The following RARB variants were observed in gnomAD, a reference collection of about 807,000 sequenced individuals.
The protein encoded by RARB is retinoic acid receptor beta, also known as HBV-activated protein.
RARB carries 17 observed loss-of-function variants against 51.9 expected under a neutral mutation model. The observed-to-expected ratio is 0.33, with a 90% CI of 0.22 to 0.49. The LOEUF (loss-of-function observed/expected upper bound fraction) is 0.49. RARB is among the 20% of genes least tolerant of loss of function. The probability of loss-of-function intolerance (pLI) is 0.99; values close to 1 mark genes in which losing one functional copy is unlikely to be tolerated. For missense variants in RARB, 369 were observed against 550.8 expected, an observed-to-expected ratio of 0.67 and a Z score of 3.30; for synonymous variants, 215 against 195.4, an observed-to-expected ratio of 1.10 and a Z score of -0.84.
intron 5 of RARB, among the ~76,000 whole-genome samples, chr3:25,266,755 A>C (rs1243962832): frequency 1.3e-5 from 2 of 152,214 alleles, no homozygotes; most frequent in African/African-American, 4.8e-5. Context: ...TCCTTTTAAA[A>C]GAGACAGAGA....
intron 1 of RARB, among the ~76,000 whole-genome samples, chr3:24,832,368 A>G (rs572578291): frequency 6.6e-6 from 1 of 152,218 alleles, no homozygotes; most frequent in South Asian, 2.1e-4. Context: ...ATGTGAGAAT[A>G]AGGACTTTGT....
intron 2 of RARB, among the ~76,000 whole-genome samples, chr3:24,860,813 T>A (rs1445054487): frequency 1.3e-5 from 2 of 152,190 alleles, no homozygotes; most frequent in Non-Finnish European, 2.9e-5. Context: ...TGAAGTAACT[T>A]ATCTGAGTCA....
chr3:25,046,005 G>T (rs1166886081), intron 2 of RARB, among the ~76,000 whole-genome samples: 2 of 152,178 alleles, frequency 1.3e-5, no homozygotes, highest in Admixed American at 6.5e-5. Flanking sequence ...CTTTTTATTA[G>T]AAATCTGTCA....
At chr3:24,888,656 A>G (rs1703312560) in intron 2 of RARB, among the ~76,000 whole-genome samples, 1 of 152,196 alleles carries the variant, frequency 6.6e-6, no homozygotes, top group Non-Finnish European at 1.5e-5. Flanking sequence ...TGATGTCCCT[A>G]GCATAATGTT....
Position 25,138,473 on chromosome 3 carries a change from T to C in RARB, c.-280+6265T>C, listed in dbSNP as rs1441236198. Among the ~76,000 whole-genome samples, 3 of 151,944 alleles carry C rather than the reference T, an allele frequency of 2.0e-5. No homozygotes were observed. The South Asian group carries it at 6.2e-4, about 32-fold the overall frequency. On this transcript the variant is annotated intron_variant, in intron 4 of 11. Transcript: ENST00000383772. ...TATAGAGTAATGCAAAATAGACCAA[T>C]ATTCAACTTGCATTTGCCTTTTACT...
At chr3:24,947,197 G>A (rs1695794237) in intron 2 of RARB, among the ~76,000 whole-genome samples, 1 of 152,152 alleles carries the variant, frequency 6.6e-6, no homozygotes, top group South Asian at 2.1e-4. Flanking sequence ...ACAGCTTTCT[G>A]TACTAGAATA....
chr3:25,347,758 C>T (rs10510566), intron 5 of RARB, among the ~76,000 whole-genome samples: 28,591 of 152,040 alleles, frequency 0.19, 3,401 homozygotes, highest in Admixed American at 0.31. Flanking sequence ...ATGTGACAGG[C>T]GGAAGAGTGA....
chr3:25,405,880 G>T (rs1412800943), intron 5 of RARB, among the ~76,000 whole-genome samples: 2 of 152,194 alleles, frequency 1.3e-5, no homozygotes, highest in African/African-American at 4.8e-5. Context: ...CCAGCTCTTG[G>T]TGGAGGGGCA....
At chr3:25,148,744 C>T (rs1700234896) in intron 4 of RARB, among the ~76,000 whole-genome samples, 1 of 152,134 alleles carries the variant, frequency 6.6e-6, no homozygotes, top group African/African-American at 2.4e-5. Flanking sequence ...AAGGATTGAA[C>T]ATAATTATAT....
At chr3:24,912,975 C>CTTTTTTTTTTTTTTTTTTTTTATTTTTTT (rs1695023997) in intron 2 of RARB, among the ~76,000 whole-genome samples, 1 of 75,066 alleles carries the variant, frequency 1.3e-5, no homozygotes, top group Non-Finnish European at 2.6e-5. Context: ...GGTACTGATT[C>CTTTTTTTTTTTTTTTTTTTTTATTTTTTT]TTTTTTTTTT....
chr3:25,239,198 A>G (rs1702373645), intron 5 of RARB, among the ~76,000 whole-genome samples: 1 of 152,206 alleles, frequency 6.6e-6, no homozygotes, highest in Non-Finnish European at 1.5e-5. Context: ...TATTCTGGAT[A>G]TTAGTCCCTT....
chr3:25,005,658 G>T (rs1355298990), intron 2 of RARB, among the ~76,000 whole-genome samples: 4 of 152,126 alleles, frequency 2.6e-5, no homozygotes, highest in African/African-American at 9.7e-5. Flanking sequence ...CCTGTTGGTT[G>T]GATGGATCAG....
At chr3:24,992,999 T>A (rs1183912758) in intron 2 of RARB, among the ~76,000 whole-genome samples, 2 of 152,156 alleles carry the variant, frequency 1.3e-5, no homozygotes, top group African/African-American at 4.8e-5. Context: ...ATTTAGTGAA[T>A]TTACTTAAAG....
At chr3:24,909,466 AGT>A (rs1448450760) in intron 2 of RARB, among the ~76,000 whole-genome samples, 1 of 151,956 alleles carries the variant, frequency 6.6e-6, no homozygotes, top group African/African-American at 2.4e-5. Flanking sequence ...GAAAGAACAG[AGT>A]GTGCACACGA....
intron 3 of RARB, among the ~76,000 whole-genome samples, chr3:25,536,409 G>C (rs1488890591): frequency 6.6e-6 from 1 of 152,182 alleles, no homozygotes; most frequent in Non-Finnish European, 1.5e-5. Context: ...TTCCTTGAAG[G>C]CTGAAATGGA....
At position 25,002,956 on chromosome 3, in the gene RARB, C is replaced by A. The variant is rs894004614; in HGVS notation, c.-379-57169C>A. On this transcript the variant is annotated intron_variant, in intron 2 of 11. Coordinates refer to the RARB transcript ENST00000383772. ...ATTTGTTATGATTATGATTACTTTA[C>A]AATAGTAAAAGATCTTCATACCTAA... Among the ~76,000 whole-genome samples the A allele has an allele frequency of 3.9e-5, 6 of 151,968 alleles. No individual in the cohort carries two copies. The East Asian group carries it at 7.7e-4, about 19-fold the overall frequency.
chr3:25,464,689 TA>T (rs1203239836), intron 2 of RARB, among the ~76,000 whole-genome samples: 1 of 152,092 alleles, frequency 6.6e-6, no homozygotes, highest in Non-Finnish European at 1.5e-5. Flanking sequence ...TATTGTCATT[TA>T]AAAAAATTAT....
intron 2 of RARB, among the ~76,000 whole-genome samples, chr3:24,901,841 C>T (rs188719795): frequency 6.6e-6 from 1 of 152,106 alleles, no homozygotes; most frequent in South Asian, 2.1e-4. Context: ...GGGCCAACAT[C>T]TTATTGAGCA....
chr3:25,076,149 T>A (rs1463568794), intron 3 of RARB, among the ~76,000 whole-genome samples: 1 of 147,576 alleles, frequency 6.8e-6, no homozygotes, highest in Non-Finnish European at 1.5e-5. Context: ...GTTATTTATT[T>A]TTTTTTTTTT....
Sources: allele counts gnomAD v4.1 joint callset (sites outside exome capture counted in the v4.1 genomes callset), GRCh38; gene constraint gnomAD v4.1.1; transcripts MANE v1.5; gene names NCBI Gene and HGNC (gene_info 2026-07-23, HGNC 2026-07-21).